SEMA3C: variants seen among roughly 807,000 people sequenced by gnomAD.
SEMA3C encodes the protein semaphorin-3C.
A neutral mutation model predicts 89.4 loss-of-function variants in SEMA3C; 47 were observed. The ratio of observed to expected loss-of-function variants is 0.53; its 90% CI spans 0.42 to 0.67. SEMA3C has a LOEUF of 0.67. SEMA3C is among the 30% of genes least tolerant of loss of function. The probability of loss-of-function intolerance (pLI) is 0.00; values close to 1 mark genes in which losing one functional copy is unlikely to be tolerated. For synonymous variants in SEMA3C, 310 were observed against 320.2 expected (o/e 0.97, Z 0.34); for missense variants, 839 against 929.1 (o/e 0.90, Z 1.26).
At chr7:80,775,690 T>C (rs1788532991) in intron 12 of SEMA3C, among the ~76,000 whole-genome samples, 1 of 152,096 alleles carries the variant, frequency 6.6e-6, no homozygotes, top group African/African-American at 2.4e-5. Flanking sequence ...GTGCTTTTTT[T>C]TACACATGGT....
chr7:80,766,842 C>T (rs774858996), intron 12 of SEMA3C, among the ~76,000 whole-genome samples: 6 of 152,126 alleles, frequency 3.9e-5, no homozygotes, highest in Non-Finnish European at 7.3e-5. Context: ...TATGACCTTC[C>T]TTTAGGAATG....
chr7:80,753,891 A>G (rs977967947), intron 15 of SEMA3C, among the ~76,000 whole-genome samples: 6 of 152,094 alleles, frequency 3.9e-5, no homozygotes, highest in African/African-American at 1.4e-4. Flanking sequence ...TTGAGAGTGA[A>G]AATGAAAAAA....
intron 2 of SEMA3C, among the ~76,000 whole-genome samples, chr7:80,840,044 T>G (rs1295298933): frequency 6.6e-6 from 1 of 151,928 alleles, no homozygotes; most frequent in East Asian, 1.9e-4. Flanking sequence ...AAGTCTCTTG[T>G]CCCTCTCACC....
chr7:80,758,265 T>C (rs1788107918), intron 15 of SEMA3C, 66 bp downstream of exon 15: 3 of 1,508,704 alleles, frequency 2.0e-6, no homozygotes, highest in Non-Finnish European at 2.7e-6. Context: ...ATTCTAAAGA[T>C]GTGAAACACT....
chr7:80,804,344 G>T, intron 7 of SEMA3C, 96 bp from the exon 8 acceptor site: 1 of 803,850 alleles, frequency 1.2e-6, no homozygotes, highest in Non-Finnish European at 1.8e-6. Context: ...CCCCATCTTT[G>T]GTAGAAAAAA....
intron 2 of SEMA3C, among the ~76,000 whole-genome samples, chr7:80,860,552 A>C (rs1790747327): frequency 6.6e-6 from 1 of 152,196 alleles, no homozygotes; most frequent in Non-Finnish European, 1.5e-5. Flanking sequence ...GCTGAGTATT[A>C]CAGAGACATT....
intron 6 of SEMA3C, among the ~76,000 whole-genome samples, chr7:80,806,752 G>A (rs1386252583): frequency 6.6e-6 from 1 of 152,108 alleles, no homozygotes; most frequent in African/African-American, 2.4e-5. Flanking sequence ...CTGGCCCACT[G>A]AACTGCCATG....
chr7:80,789,281 G>A (rs1374856626), intron 12 of SEMA3C, 25 bp downstream of exon 12: 3 of 1,578,706 alleles, frequency 1.9e-6, no homozygotes, highest in South Asian at 1.1e-5. Flanking sequence ...ACACATTAAA[G>A]CATATCTTGG....
intron 13 of SEMA3C, among the ~76,000 whole-genome samples, chr7:80,762,557 G>A (rs140214567): frequency 0.011 from 1,654 of 152,208 alleles, 14 homozygotes; most frequent in Non-Finnish European, 0.016. Context: ...AGTGGCTCAC[G>A]CCTGTAATCC....
chr7:80,866,413 C>T (rs771379073), intron 2 of SEMA3C, among the ~76,000 whole-genome samples: 7 of 152,026 alleles, frequency 4.6e-5, no homozygotes, highest in South Asian at 2.1e-4. Flanking sequence ...TCTTTCAACA[C>T]GGTAATTTTT....
intron 2 of SEMA3C, among the ~76,000 whole-genome samples, chr7:80,900,814 T>G (rs1791861228): frequency 6.6e-6 from 1 of 152,240 alleles, no homozygotes; most frequent in Non-Finnish European, 1.5e-5. Context: ...ATGACTAGTT[T>G]ATTGTACAAC....
At chr7:80,790,599 T>C (rs572309811) in intron 11 of SEMA3C, among the ~76,000 whole-genome samples, 7 of 152,188 alleles carry the variant, frequency 4.6e-5, no homozygotes, top group Non-Finnish European at 1.0e-4. Context: ...TGCTCTTCCC[T>C]GTCCGGCATA....
intron 2 of SEMA3C, among the ~76,000 whole-genome samples, chr7:80,907,539 T>C (rs1792043956): frequency 6.6e-6 from 1 of 152,058 alleles, no homozygotes; most frequent in African/African-American, 2.4e-5. Flanking sequence ...CCAACAAAGT[T>C]GGAGGCTTTT....
intron 2 of SEMA3C, among the ~76,000 whole-genome samples, chr7:80,839,812 G>C (rs1029846223): frequency 1.3e-5 from 2 of 151,754 alleles, no homozygotes; most frequent in Non-Finnish European, 2.9e-5. Context: ...GAATCTAATA[G>C]ACGCCATTCC....
chr7:80,782,466 C>A (rs1409791013), intron 12 of SEMA3C, among the ~76,000 whole-genome samples: 2 of 151,852 alleles, frequency 1.3e-5, no homozygotes, highest in African/African-American at 4.8e-5. Flanking sequence ...ACATTTAATT[C>A]ATAGTAAAAT....
At position 80,881,955 on chromosome 7, in the gene SEMA3C, G is replaced by T. The variant is rs915603995; in HGVS notation, c.103+34724C>A. On this transcript the variant is annotated intron_variant, in intron 2 of 17. Transcript: ENST00000265361. The stretch of plus-strand genomic sequence containing the variant: ...AATAAACTACTCATGCAACGTTGTT[G>T]ATTTAATAATAAATATTTTGAATGT... 7.9e-5 allele frequency among the ~76,000 whole-genome samples: 12 copies of T among 152,186 alleles called. 1 individual carries two copies. The highest frequency in any genetic ancestry group is 2.9e-4 in the African/African-American group (12 of 41,506).
intron 2 of SEMA3C, among the ~76,000 whole-genome samples, chr7:80,877,523 C>T (rs1583970930): frequency 6.6e-6 from 1 of 152,268 alleles, no homozygotes; most frequent in East Asian, 1.9e-4. Flanking sequence ...TTACCATACT[C>T]CCTCATGTAG....
chr7:80,860,239 G>C (rs1415854802), intron 2 of SEMA3C, among the ~76,000 whole-genome samples: 1 of 151,782 alleles, frequency 6.6e-6, no homozygotes, highest in Non-Finnish European at 1.5e-5. Context: ...CTATGACCAT[G>C]GTTTAATGGT....
At chr7:80,785,092 CA>C (rs1463147290) in intron 12 of SEMA3C, among the ~76,000 whole-genome samples, 4 of 151,886 alleles carry the variant, frequency 2.6e-5, no homozygotes, top group African/African-American at 7.3e-5. Flanking sequence ...TCTGGTAACA[CA>C]AAAAATAATC....
Sources: gnomAD v4.1 joint callset for allele counts (sites outside exome capture counted in the v4.1 genomes callset) on GRCh38, gnomAD v4.1.1 for gene constraint, MANE v1.5 for transcripts, NCBI Gene and HGNC (gene_info 2026-07-23, HGNC 2026-07-21) for gene names.